The following PAAF1 variants were observed in gnomAD, a reference collection of about 807,000 sequenced individuals.
The protein encoded by PAAF1 is proteasomal ATPase-associated factor 1.
In PAAF1, 46 loss-of-function variants were observed where a neutral mutation model predicts 52.8. The observed-to-expected ratio is 0.87, with a 90% CI of 0.69 to 1.11. PAAF1 has a LOEUF of 1.11. PAAF1 is among the 50% of genes most tolerant of loss of function. The pLI is 0.00. For missense variants in PAAF1, 424 were observed against 477.4 expected, an observed-to-expected ratio of 0.89 and a Z score of 1.04; for synonymous variants, 178 against 172.8, an observed-to-expected ratio of 1.03 and a Z score of -0.24.
In PAAF1 at chr11:73,914,447, G is replaced by C; in HGVS notation, c.762G>C (p.Leu254=). Reference sequence around the variant, plus strand: ...AGGTTGGAACAGAGGCCAAAATGCTGCTCTTGGCCCGGGAAGATAAGAAAC... The same window carrying C: ...AGGTTGGAACAGAGGCCAAAATGCTCCTCTTGGCCCGGGAAGATAAGAAAC... ...EREVGTEAKM[L]LLAREDKKLQ... The change falls in exon 8 of 12, where the codon CTG becomes CTC. Residue 254 remains leucine (L), a synonymous_variant. Coordinates refer to ENST00000310571, the MANE Select transcript of PAAF1 (RefSeq NM_025155.3). 6.2e-7 allele frequency: 1 copy of C among 1,614,072 alleles called. No homozygotes were observed. The highest frequency in any genetic ancestry group is 1.1e-5 in the South Asian group (1 of 91,086).
At chr11:73,921,548 G>GTCCA in intron 10 of PAAF1, 1 of 540,498 alleles carries the variant, frequency 1.9e-6, no homozygotes, top group South Asian at 1.6e-5. Context: ...TAAAGACATG[G>GTCCA]TCTTCTCTCT....
At chr11:73,892,587 T>C (rs1462482407) in intron 4 of PAAF1, among the ~76,000 whole-genome samples, 1 of 152,204 alleles carries the variant, frequency 6.6e-6, no homozygotes, top group African/African-American at 2.4e-5. Context: ...TACTTAATAC[T>C]CTGTCTTTTC....
Position 73,921,505 on chromosome 11 carries a change from C to G in PAAF1, c.1018+2473C>G, listed in dbSNP as rs143849479. Among the ~76,000 whole-genome samples, 969 of 152,144 alleles carry G rather than the reference C, an allele frequency of 6.4e-3. 15 individuals carry two copies. Among genetic ancestry groups the G allele is most frequent in the African/African-American group, 0.022 (915 of 41,502 alleles). ...CTGTTGATAACCCACTTTCTTTTCTCCCACCCAAATTCTTGATCAAGAGTT... is the reference window on the plus strand; with the variant it reads ...CTGTTGATAACCCACTTTCTTTTCTGCCACCCAAATTCTTGATCAAGAGTT... On this transcript the variant is annotated intron_variant, in intron 10 of 11. Transcript: ENST00000310571.
chr11:73,920,629 G>A (rs1950188238), intron 10 of PAAF1, among the ~76,000 whole-genome samples: 1 of 152,026 alleles, frequency 6.6e-6, no homozygotes, highest in East Asian at 1.9e-4. Flanking sequence ...GAAGCGGGTG[G>A]ATTCCTTGAG....
At chr11:73,892,891 A>T (rs113790196) in intron 4 of PAAF1, among the ~76,000 whole-genome samples, 314 of 152,152 alleles carry the variant, frequency 2.1e-3, no homozygotes, top group African/African-American at 7.3e-3. Context: ...CAATCTCCTG[A>T]CCTTGTGATC....
At chr11:73,888,381 A>G (rs1949116794) in intron 3 of PAAF1, among the ~76,000 whole-genome samples, 1 of 152,190 alleles carries the variant, frequency 6.6e-6, no homozygotes, top group Admixed American at 6.5e-5. Flanking sequence ...CTTGATGAAG[A>G]GCCTACATTA....
intron 2 of PAAF1, among the ~76,000 whole-genome samples, chr11:73,886,672 C>CAAAAAA (rs55697916): frequency 1.5e-4 from 5 of 34,270 alleles, no homozygotes; most frequent in Middle Eastern, 0.022. Flanking sequence ...GACTCCATCT[C>CAAAAAA]AAAAAAAAAA....
chr11:73,897,353 T>G (rs1949431424), intron 4 of PAAF1, among the ~76,000 whole-genome samples: 1 of 149,190 alleles, frequency 6.7e-6, no homozygotes, highest in South Asian at 2.2e-4. Flanking sequence ...CCAGACGGGG[T>G]GGCTGCTGGG....
chr11:73,887,375 G>A lies in PAAF1; in HGVS notation c.110G>A (p.Ser37Asn). 2 of 1,612,350 alleles carry A rather than the reference G, an allele frequency of 1.2e-6. No homozygotes were observed. The highest frequency in any genetic ancestry group is 1.7e-6 in the Non-Finnish European group (2 of 1,179,336). ...ATAGGGAAACCATCTTTGTATGGCA[G>A]CCTGACTTGTCAAGGAATTGGCCTA... ...HPPGKPSLYG[S>N]LTCQGIGLDG... Residue 37 changes from serine to asparagine, a missense_variant, in exon 3 of 12, where the codon AGC becomes AAC. Coordinates refer to ENST00000310571, the MANE Select transcript of PAAF1 (RefSeq NM_025155.3).
chr11:73,921,118 A>G (rs756727736), intron 10 of PAAF1, among the ~76,000 whole-genome samples: 21 of 151,984 alleles, frequency 1.4e-4, no homozygotes, highest in Non-Finnish European at 2.1e-4. Flanking sequence ...TGGCCAACAT[A>G]GCGAAACGCC....
At chr11:73,907,228 A>G (rs2135193166) in intron 6 of PAAF1, among the ~76,000 whole-genome samples, 1 of 152,278 alleles carries the variant, frequency 6.6e-6, no homozygotes, top group East Asian at 1.9e-4. Context: ...GGCATTTTGG[A>G]CATTATAACA....
At chr11:73,886,826 G>T (rs371839800) in intron 2 of PAAF1, 1 of 243,086 alleles carries the variant, frequency 4.1e-6, no homozygotes, top group Non-Finnish European at 8.4e-6. Context: ...AGGGCCTAAT[G>T]GGGGGTGTTT....
chr11:73,925,898 A>G (rs574763079), intron 11 of PAAF1, among the ~76,000 whole-genome samples: 15 of 152,332 alleles, frequency 9.8e-5, no homozygotes, highest in African/African-American at 3.1e-4. Context: ...TCCAGAAGTA[A>G]CTAGCATTAA....
At chr11:73,902,003 A>G (rs758681804) in intron 6 of PAAF1, among the ~76,000 whole-genome samples, 9 of 151,246 alleles carry the variant, frequency 6.0e-5, no homozygotes, top group Non-Finnish European at 1.3e-4. Flanking sequence ...AGCTGGGATC[A>G]CAGGCGTGCA....
At chr11:73,900,704 C>G (rs140949165) in intron 6 of PAAF1, among the ~76,000 whole-genome samples, 6 of 152,044 alleles carry the variant, frequency 3.9e-5, no homozygotes, top group African/African-American at 1.2e-4. Flanking sequence ...GTTTTCTGGC[C>G]GGGCGCGGTG....
rs369326121 is a variant in PAAF1, at chr11:73,909,406, G to C, written c.540G>C (p.Leu180=). The C allele has an allele frequency of 1.2e-6, 2 of 1,613,882 alleles. No individual in the cohort carries two copies. Among genetic ancestry groups the C allele is most frequent in the Middle Eastern group, 1.6e-4 (1 of 6,084 alleles). ...VTFKGHKGGI[L]DTAIVDRGRN... is the part of the protein sequence containing the mutation. Reference sequence around the variant, plus strand: ...GTTTTTTTCTCTTGCTAGGTATCCTGGATACAGCCATCGTTGATCGGGGGA... The same window carrying C: ...GTTTTTTTCTCTTGCTAGGTATCCTCGATACAGCCATCGTTGATCGGGGGA... Residue 180 remains leucine, a synonymous_variant, in exon 7 of 12, where the codon CTG becomes CTC. Transcript: ENST00000310571.
At chr11:73,927,247 C>G in intron 11 of PAAF1, 38 bp from the exon 12 acceptor site, 2 of 1,510,178 alleles carry the variant, frequency 1.3e-6, no homozygotes, top group Non-Finnish European at 1.8e-6. Context: ...ATGGAAGAAT[C>G]CCAGGCTTCC....
intron 6 of PAAF1, among the ~76,000 whole-genome samples, chr11:73,908,458 G>A (rs1591101300): frequency 6.6e-6 from 1 of 151,024 alleles, no homozygotes; most frequent in East Asian, 1.9e-4. Flanking sequence ...AGGCTGGAGT[G>A]CAGTGGAGCA....
chr11:73,905,066 T>C (rs1370179495), intron 6 of PAAF1, among the ~76,000 whole-genome samples: 3 of 152,170 alleles, frequency 2.0e-5, no homozygotes, highest in Non-Finnish European at 4.4e-5. Flanking sequence ...TGCAGTGTGA[T>C]ATAATTGTGC....
Sources: allele counts gnomAD v4.1 joint callset (sites outside exome capture counted in the v4.1 genomes callset), GRCh38; gene constraint gnomAD v4.1.1; transcripts MANE v1.5; gene names NCBI Gene and HGNC (gene_info 2026-07-23, HGNC 2026-07-21).